KCNH1: variants seen among roughly 807,000 people sequenced by gnomAD.
The protein encoded by KCNH1 is voltage-gated delayed rectifier potassium channel KCNH1.
A neutral mutation model predicts 69.2 loss-of-function variants in KCNH1; 27 were observed. The ratio of observed to expected loss-of-function variants is 0.39; its 90% confidence interval spans 0.29 to 0.54. The LOEUF (loss-of-function observed/expected upper bound fraction) is 0.54. Among genes scored for constraint, KCNH1 ranks in the 20% least tolerant of loss-of-function variants. KCNH1 has a pLI of 0.68. For synonymous variants in KCNH1, 456 were observed against 487.7 expected (o/e 0.93, Z 0.86); for missense variants, 798 against 1,261.6 (o/e 0.63, Z 5.57).
intron 6 of KCNH1, among the ~76,000 whole-genome samples, chr1:210,982,514 G>A (rs1033079037): frequency 6.6e-6 from 1 of 151,948 alleles, no homozygotes; most frequent in Non-Finnish European, 1.5e-5. Flanking sequence ...GTGAGAACAT[G>A]TGGTGTTTGG....
Position 211,133,935 on chromosome 1 carries a change from G to A in KCNH1, c.11C>T (p.Ala4Val). The change falls in exon 1 of 11, where the codon GCT becomes GTT. Residue 4 changes from alanine to valine, a missense_variant. This residue lies in a region of KCNH1 where 266 missense variants were observed against 457.2 expected (regional missense o/e 0.58). Coordinates refer to ENST00000271751, the MANE Select transcript of KCNH1 (RefSeq NM_172362.3). This position sits in a 1 kb window ranked among gnomAD's most constrained non-coding sequence, Gnocchi z 5.4. ...GGCCACTAGTCCCCTCCTGCCCCCA[G>A]CCATGGTCATCCTCCCAGCAGCTCG... Reference protein sequence around the residue: MTMAGGRRGLVAPQ... With the variant: MTMVGGRRGLVAPQ... 6.2e-7 allele frequency: 1 copy of A among 1,608,838 alleles called. No homozygotes were observed. The highest frequency in any genetic ancestry group is 8.5e-7 in the Non-Finnish European group (1 of 1,177,792).
intron 5 of KCNH1, among the ~76,000 whole-genome samples, chr1:211,039,255 T>C (rs546054979): frequency 5.6e-4 from 86 of 152,348 alleles, no homozygotes; most frequent in Non-Finnish European, 1.0e-3. Flanking sequence ...AATCAAGAAT[T>C]GAAGTTTGGG....
intron 6 of KCNH1, among the ~76,000 whole-genome samples, chr1:210,934,880 T>C (rs963606172): frequency 5.9e-5 from 9 of 151,884 alleles, no homozygotes; most frequent in Admixed American, 2.6e-4. Context: ...ATTGCTTGTA[T>C]ATATACAAGC....
chr1:210,853,732 G>A (rs997315751), intron 7 of KCNH1, among the ~76,000 whole-genome samples: 2 of 152,028 alleles, frequency 1.3e-5, no homozygotes, highest in Admixed American at 6.5e-5. Flanking sequence ...CATCTTTCTT[G>A]CCAAATGGAT....
chr1:210,788,681 CTTTCTTTTTT>C (rs1684151359), intron 9 of KCNH1, among the ~76,000 whole-genome samples: 1 of 112,512 alleles, frequency 8.9e-6, no homozygotes, highest in Non-Finnish European at 1.7e-5. Flanking sequence ...ATTATAGCTT[CTTTCTTTTTT>C]TTTTTTTTTT....
In KCNH1 at chr1:211,018,968, C is replaced by A; in HGVS notation, c.847G>T (p.Asp283Tyr). ...TAGTTCATGCGGATAAGTTTGGGGT[C>A]AGAAATCACCTCCCCTGCTGGTCCA... is the stretch of plus-strand genomic sequence containing the variant. Reference protein sequence around the residue: ...FVGPAGEVISDPKLIRMNYLK... With the variant: ...FVGPAGEVISYPKLIRMNYLK... Residue 283 changes from aspartate (D) to tyrosine (Y), a missense_variant, in exon 6 of 11, where the codon GAC (aspartate) becomes TAC (tyrosine). This residue lies in a region of KCNH1 where 266 missense variants were observed against 457.2 expected (regional missense o/e 0.58). Transcript: ENST00000271751. 1 of 1,614,018 alleles carries A rather than the reference C, an allele frequency of 6.2e-7. No individual in the cohort carries two copies. The highest frequency in any genetic ancestry group is 8.5e-7 in the Non-Finnish European group (1 of 1,179,982).
At chr1:211,039,111 C>T (rs1689948476) in intron 5 of KCNH1, among the ~76,000 whole-genome samples, 1 of 152,194 alleles carries the variant, frequency 6.6e-6, no homozygotes, top group Non-Finnish European at 1.5e-5. Flanking sequence ...AGCCTAGGAA[C>T]TTGGTGTCCT....
At chr1:210,765,329 A>C (rs1683606217) in intron 10 of KCNH1, among the ~76,000 whole-genome samples, 1 of 152,142 alleles carries the variant, frequency 6.6e-6, no homozygotes, top group Non-Finnish European at 1.5e-5. Context: ...GATCACTAGA[A>C]ACCCAAACCT....
At chr1:210,897,667 C>G (rs1295760405) in intron 7 of KCNH1, among the ~76,000 whole-genome samples, 1 of 152,210 alleles carries the variant, frequency 6.6e-6, no homozygotes, top group East Asian at 1.9e-4. Flanking sequence ...TTTCTCTCCC[C>G]TGCTCCAAGA....
chr1:211,079,247 C>T (rs1406100930), intron 5 of KCNH1, among the ~76,000 whole-genome samples: 4 of 152,158 alleles, frequency 2.6e-5, no homozygotes, highest in African/African-American at 9.7e-5. Flanking sequence ...GACACATATG[C>T]CCTCCCAAGA....
chr1:210,899,487 T>C (rs899002238), intron 7 of KCNH1, among the ~76,000 whole-genome samples: 20 of 112,386 alleles, frequency 1.8e-4, no homozygotes, highest in Admixed American at 9.7e-4. Flanking sequence ...ATCTCACTTA[T>C]GAGATATATA....
intron 9 of KCNH1, among the ~76,000 whole-genome samples, chr1:210,797,117 G>A (rs942688665): frequency 6.6e-6 from 1 of 151,946 alleles, no homozygotes; most frequent in Non-Finnish European, 1.5e-5. Context: ...CTCTTTTTAG[G>A]ATACTTCATC....
chr1:210,783,400 G>C (rs79062535), intron 9 of KCNH1, among the ~76,000 whole-genome samples: 3,117 of 152,286 alleles, frequency 0.02, 113 homozygotes, highest in African/African-American at 0.07. Flanking sequence ...GTTTCCAGCT[G>C]TTTCCCCCAA....
intron 7 of KCNH1, among the ~76,000 whole-genome samples, chr1:210,870,386 T>C (rs1686213017): frequency 6.6e-6 from 1 of 152,152 alleles, no homozygotes. Flanking sequence ...AATGAATATC[T>C]CTCAACACAG....
Position 210,919,536 on chromosome 1 carries a change from G to A in KCNH1, c.1462+104C>T. The A allele has an allele frequency of 8.9e-7, 1 of 1,124,656 alleles. No homozygotes were observed. The highest frequency in any genetic ancestry group is 1.3e-6 in the Non-Finnish European group (1 of 777,042). 69.7% of individuals were successfully genotyped at this position (1,124,656 alleles called of 1,614,324 possible). On this transcript the variant is annotated intron_variant, in intron 7 of 10. Transcript: ENST00000271751. This position sits in a 1 kb window ranked among gnomAD's most constrained non-coding sequence, Gnocchi z 4.2. ...CCTAGTCTTAAAAAAACTCTTCCTT[G>A]TTTTAAGTTATTATTCTCCTGATCC...
intron 5 of KCNH1, among the ~76,000 whole-genome samples, chr1:211,045,041 G>T (rs1436667666): frequency 8.6e-5 from 7 of 81,716 alleles, no homozygotes; most frequent in Admixed American, 2.7e-4. Flanking sequence ...AATTGTGGGG[G>T]ATATATATAT....
At chr1:211,033,364 C>G (rs1399505010) in intron 5 of KCNH1, among the ~76,000 whole-genome samples, 1 of 152,290 alleles carries the variant, frequency 6.6e-6, no homozygotes, top group South Asian at 2.1e-4. Flanking sequence ...GGCGATTCCT[C>G]AGGGATCTAG....
chr1:211,084,472 T>C (rs1181086847), intron 4 of KCNH1, among the ~76,000 whole-genome samples: 1 of 152,180 alleles, frequency 6.6e-6, no homozygotes, highest in African/African-American at 2.4e-5. Flanking sequence ...CCTTGGTTCA[T>C]CACCTGATAT....
chr1:210,913,544 C>A (rs1230257504), intron 7 of KCNH1, among the ~76,000 whole-genome samples: 1 of 152,154 alleles, frequency 6.6e-6, no homozygotes, highest in Non-Finnish European at 1.5e-5. Context: ...TCAGGAGAGC[C>A]TCTTACCTCT....
Sources: allele counts gnomAD v4.1 joint callset (sites outside exome capture counted in the v4.1 genomes callset), GRCh38; gene constraint gnomAD v4.1.1; regional missense constraint gnomAD v4.1.1; non-coding constraint Gnocchi (gnomAD v3.1); transcripts MANE v1.5; gene names NCBI Gene and HGNC (gene_info 2026-07-23, HGNC 2026-07-21).